The following TMEM132C variants were observed in gnomAD, a reference collection of about 807,000 sequenced individuals.
The protein encoded by TMEM132C is transmembrane protein 132C, also known as protein phosphatase 1, regulatory subunit 152.
TMEM132C carries 29 observed loss-of-function variants against 61.4 expected under a neutral mutation model. That is an observed-to-expected ratio of 0.47 (90% CI 0.35 to 0.64). The LOEUF (loss-of-function observed/expected upper bound fraction) is 0.64, where lower values mean the gene tolerates loss of function less well. Ranked by LOEUF, TMEM132C falls within the 30% of genes least tolerant of loss-of-function variation. The probability of loss-of-function intolerance (pLI) is 0.00; values close to 1 mark genes in which losing one functional copy is unlikely to be tolerated. For missense variants in TMEM132C, 1,408 were observed against 1,476.9 expected (o/e 0.95, Z 0.76); for synonymous variants, 656 against 633.1 (o/e 1.04, Z -0.54).
At chr12:128,400,256 C>G (rs755369636) in intron 1 of TMEM132C, 1 of 152,292 alleles carries the variant, frequency 6.6e-6, no homozygotes, top group African/African-American at 2.4e-5. Context: ...CCTTCCCTCA[C>G]TGTGCCCACC....
chr12:128,352,961 G>A (rs1873387642), intron 1 of TMEM132C, among the ~76,000 whole-genome samples: 1 of 152,156 alleles, frequency 6.6e-6, no homozygotes, highest in Admixed American at 6.5e-5. Context: ...TGTCCGAGGT[G>A]GGAGGGAAGC....
intron 1 of TMEM132C, among the ~76,000 whole-genome samples, chr12:128,395,539 A>G (rs541155995): frequency 1.3e-5 from 2 of 152,314 alleles, no homozygotes; most frequent in South Asian, 2.1e-4. Context: ...CACCTAACCT[A>G]TGAAACATCG....
intron 1 of TMEM132C, among the ~76,000 whole-genome samples, chr12:128,274,849 G>T (rs1870631100): frequency 6.6e-6 from 1 of 152,096 alleles, no homozygotes; most frequent in Non-Finnish European, 1.5e-5. Flanking sequence ...GTGGAGGCAG[G>T]GCTGATCAGT....
intron 2 of TMEM132C, among the ~76,000 whole-genome samples, chr12:128,486,876 AACAC>A (rs56407388): frequency 0.1 from 13,387 of 130,868 alleles, 611 homozygotes; most frequent in African/African-American, 0.12. Context: ...TGTGCATGCA[AACAC>A]ACACACACAC....
At chr12:128,325,598 T>C (rs1872483382) in intron 1 of TMEM132C, among the ~76,000 whole-genome samples, 1 of 152,232 alleles carries the variant, frequency 6.6e-6, no homozygotes, top group African/African-American at 2.4e-5. Context: ...AGTTTATACA[T>C]ACTTGTCTTT....
chr12:128,563,211 C>G (rs976418485), intron 3 of TMEM132C, among the ~76,000 whole-genome samples: 2 of 152,214 alleles, frequency 1.3e-5, no homozygotes, highest in Non-Finnish European at 2.9e-5. Flanking sequence ...TACTCAAATT[C>G]AAGTACAAAT....
At chr12:128,663,870 A>G (rs1300912370) in intron 4 of TMEM132C, among the ~76,000 whole-genome samples, 3 of 144,906 alleles carry the variant, frequency 2.1e-5, no homozygotes, top group East Asian at 2.1e-4. Flanking sequence ...TCACACAGGC[A>G]CACACACATA....
intron 3 of TMEM132C, among the ~76,000 whole-genome samples, chr12:128,567,638 T>A (rs1874748863): frequency 6.6e-6 from 1 of 152,216 alleles, no homozygotes; most frequent in Non-Finnish European, 1.5e-5. Context: ...GAAAGTGGCC[T>A]CCTCCACTTT....
In TMEM132C at chr12:128,488,386, T is replaced by A. The variant is rs551257184; in HGVS notation, c.975-55571T>A. Among the ~76,000 whole-genome samples the A allele has an allele frequency of 2.0e-5, 3 of 152,270 alleles. No individual in the cohort carries two copies. In the South Asian group the frequency reaches 6.2e-4, roughly 32 times the overall value. ...TAAAATATTGATATTATTGGCTAGG[T>A]GTGGTGGCTCACACCTGTAATCCCA... On this transcript the variant is annotated intron_variant, in intron 2 of 8. Transcript: ENST00000435159.
At chr12:128,359,422 T>C (rs1267758084) in intron 1 of TMEM132C, among the ~76,000 whole-genome samples, 1 of 152,190 alleles carries the variant, frequency 6.6e-6, no homozygotes, top group Non-Finnish European at 1.5e-5. Context: ...GCCTCCATGA[T>C]TCAATTATCT....
chr12:128,477,764 T>TAGAG (rs1278859241), intron 2 of TMEM132C, among the ~76,000 whole-genome samples: 3 of 152,188 alleles, frequency 2.0e-5, no homozygotes, highest in Non-Finnish European at 2.9e-5. Context: ...ATTTTTTTAG[T>TAGAG]AGAGACAGGG....
At chr12:128,564,047 G>T (rs118059291) in intron 3 of TMEM132C, among the ~76,000 whole-genome samples, 1 of 152,196 alleles carries the variant, frequency 6.6e-6, no homozygotes, top group African/African-American at 2.4e-5. Context: ...AGGCATAAAG[G>T]CACCGCAGAC....
intron 3 of TMEM132C, among the ~76,000 whole-genome samples, chr12:128,596,308 G>A (rs1875947685): frequency 6.8e-6 from 1 of 147,886 alleles, no homozygotes; most frequent in Admixed American, 6.7e-5. Context: ...TACAGAGGCG[G>A]CAGGGCTTGA....
At chr12:128,291,201 A>T (rs542835483) in intron 1 of TMEM132C, among the ~76,000 whole-genome samples, 1 of 152,230 alleles carries the variant, frequency 6.6e-6, no homozygotes, top group Non-Finnish European at 1.5e-5. Flanking sequence ...AAGTACATCC[A>T]AGAAGAAATA....
intron 1 of TMEM132C, among the ~76,000 whole-genome samples, chr12:128,296,696 G>A (rs1039424134): frequency 2.6e-5 from 4 of 152,160 alleles, no homozygotes; most frequent in Non-Finnish European, 4.4e-5. Flanking sequence ...GTTGTCCTCC[G>A]TCAGGTTCAT....
intron 4 of TMEM132C, among the ~76,000 whole-genome samples, chr12:128,617,807 A>G (rs1023361164): frequency 1.3e-5 from 2 of 152,200 alleles, no homozygotes; most frequent in African/African-American, 4.8e-5. Context: ...TGGTCAGACA[A>G]AATAGCAGAT....
At chr12:128,493,366 C>T (rs558910710) in intron 2 of TMEM132C, among the ~76,000 whole-genome samples, 1 of 151,976 alleles carries the variant, frequency 6.6e-6, no homozygotes, top group East Asian at 1.9e-4. Flanking sequence ...CTTTAAAGTA[C>T]TTTTTTCCAA....
intron 4 of TMEM132C, among the ~76,000 whole-genome samples, chr12:128,664,172 CCACACG>C (rs1167115992): frequency 2.4e-4 from 29 of 119,140 alleles, no homozygotes; most frequent in Middle Eastern, 5.2e-3. Context: ...GCACACGCAC[CCACACG>C]CATGCACGCA....
At chr12:128,678,913 G>T (rs1954613676) in intron 5 of TMEM132C, among the ~76,000 whole-genome samples, 1 of 152,176 alleles carries the variant, frequency 6.6e-6, no homozygotes, top group Non-Finnish European at 1.5e-5. Context: ...CTGGTGTGGT[G>T]ACTTAGTCTG....
Sources: gnomAD v4.1 joint callset for allele counts (sites outside exome capture counted in the v4.1 genomes callset) on GRCh38, gnomAD v4.1.1 for gene constraint, MANE v1.5 for transcripts, NCBI Gene and HGNC (gene_info 2026-07-23, HGNC 2026-07-21) for gene names.